The following NIPBL variants were observed in gnomAD, a reference collection of about 807,000 sequenced individuals.
NIPBL encodes the protein nipped-B-like protein.
A neutral mutation model predicts 321.8 loss-of-function variants in NIPBL; 19 were observed. The ratio of observed to expected loss-of-function variants is 0.06; its 90% CI spans 0.04 to 0.09. NIPBL has a LOEUF of 0.09. Among genes scored for constraint, NIPBL ranks in the 10% least tolerant of loss-of-function variants. The pLI is 1.00. For missense variants in NIPBL, 2,210 were observed against 3,327.0 expected (o/e 0.66, Z 8.26); for synonymous variants, 1,106 against 1,114.1 (o/e 0.99, Z 0.14).
intron 42 of NIPBL, among the ~76,000 whole-genome samples, 194 bp from the exon 43 acceptor site, chr5:37,056,992 C>T (rs955841760): frequency 1.3e-5 from 2 of 150,892 alleles, no homozygotes; most frequent in Admixed American, 6.6e-5. Context: ...CCCTTTTTCC[C>T]CCCTCTATAT....
intron 31 of NIPBL, 40 bp downstream of exon 31, chr5:37,026,367 C>T: frequency 8.4e-7 from 1 of 1,187,168 alleles, no homozygotes; most frequent in Non-Finnish European, 1.3e-6. Context: ...ACTGTTGATC[C>T]AGACCTAATT....
intron 10 of NIPBL, among the ~76,000 whole-genome samples, chr5:36,990,496 A>G (rs1286115571): frequency 6.6e-6 from 1 of 152,222 alleles, no homozygotes; most frequent in African/African-American, 2.4e-5. Context: ...TTAATGATGC[A>G]GTGGAAATTT....
chr5:37,015,602 C>T (rs913062525), intron 22 of NIPBL, among the ~76,000 whole-genome samples: 17 of 152,160 alleles, frequency 1.1e-4, no homozygotes, highest in Admixed American at 2.0e-4. Context: ...TGGTGGTGCA[C>T]GCCTGTAGTC....
chr5:36,943,279 T>C (rs1466420646), intron 1 of NIPBL, among the ~76,000 whole-genome samples: 1 of 152,150 alleles, frequency 6.6e-6, no homozygotes, highest in Non-Finnish European at 1.5e-5. Flanking sequence ...CAAAAATTTG[T>C]CAATTATAAT....
At chr5:36,893,522 G>A (rs1032102713) in intron 1 of NIPBL, among the ~76,000 whole-genome samples, 2 of 151,424 alleles carry the variant, frequency 1.3e-5, no homozygotes, top group Non-Finnish European at 2.9e-5. Flanking sequence ...TCCTTTTTTG[G>A]AGATGTAAGT....
chr5:36,919,688 T>A (rs1748768096), intron 1 of NIPBL, among the ~76,000 whole-genome samples: 1 of 152,192 alleles, frequency 6.6e-6, no homozygotes, highest in Non-Finnish European at 1.5e-5. Context: ...GAAGATATTT[T>A]CATTTAAAAG....
intron 8 of NIPBL, among the ~76,000 whole-genome samples, chr5:36,974,135 A>G (rs560270974): frequency 1.8e-4 from 27 of 152,214 alleles, no homozygotes; most frequent in Non-Finnish European, 3.5e-4. Context: ...CCGGGGAAAG[A>G]GAACAGGGAG....
At chr5:36,895,081 C>T (rs1169684963) in intron 1 of NIPBL, among the ~76,000 whole-genome samples, 1 of 152,138 alleles carries the variant, frequency 6.6e-6, no homozygotes, top group South Asian at 2.1e-4. Flanking sequence ...GTTATGCATT[C>T]ATCATTACTT....
At chr5:36,945,938 AG>A in intron 1 of NIPBL, among the ~76,000 whole-genome samples, 1 of 152,306 alleles carries the variant, frequency 6.6e-6, no homozygotes, top group Middle Eastern at 3.4e-3. Flanking sequence ...AATAGTAAGT[AG>A]TACCACATAG....
intron 4 of NIPBL, among the ~76,000 whole-genome samples, chr5:36,958,809 T>C (rs1007563034): frequency 2.6e-5 from 4 of 152,186 alleles, no homozygotes; most frequent in Non-Finnish European, 5.9e-5. Context: ...GCTTACTGAA[T>C]TTGACAAGCC....
intron 2 of NIPBL, chr5:36,954,890 A>G (rs1031526648): frequency 1.3e-5 from 2 of 153,330 alleles, no homozygotes; most frequent in African/African-American, 2.4e-5. Context: ...ACTATAAAAC[A>G]TTTATGTTCT....
intron 1 of NIPBL, chr5:36,886,491 A>C (rs779359775): frequency 4.0e-6 from 3 of 758,734 alleles, no homozygotes; most frequent in Non-Finnish European, 7.1e-6. Flanking sequence ...AAGTTCTGAG[A>C]CATTAAGTCA....
At chr5:36,982,273 A>G (rs1025312758) in intron 9 of NIPBL, 26 of 929,056 alleles carry the variant, frequency 2.8e-5, no homozygotes, top group Non-Finnish European at 3.3e-5. Context: ...ATGGCTTTCC[A>G]TGATTATTAG....
intron 32 of NIPBL, among the ~76,000 whole-genome samples, chr5:37,033,848 A>C (rs1751400835): frequency 6.7e-6 from 1 of 149,818 alleles, no homozygotes; most frequent in African/African-American, 2.5e-5. Flanking sequence ...GACTACAAGC[A>C]TGCACCACCA....
At chr5:36,927,630 A>G (rs1160551502) in intron 1 of NIPBL, among the ~76,000 whole-genome samples, 1 of 152,182 alleles carries the variant, frequency 6.6e-6, no homozygotes, top group Non-Finnish European at 1.5e-5. Context: ...GAACTGGACA[A>G]ATGAGTTGTC....
chr5:36,960,650 A>C (rs1446616541), intron 4 of NIPBL, among the ~76,000 whole-genome samples: 1 of 152,230 alleles, frequency 6.6e-6, no homozygotes, highest in African/African-American at 2.4e-5. Context: ...CAGGAAATGA[A>C]ATTTGGAAAT....
chr5:37,039,185 C>T (rs1281078596), intron 34 of NIPBL, among the ~76,000 whole-genome samples: 1 of 151,942 alleles, frequency 6.6e-6, no homozygotes, highest in Non-Finnish European at 1.5e-5. Flanking sequence ...CAACCTCGGT[C>T]ATTCTCCAAA....
intron 4 of NIPBL, among the ~76,000 whole-genome samples, chr5:36,959,438 C>T (rs1447448850): frequency 1.3e-5 from 2 of 152,114 alleles, no homozygotes; most frequent in Non-Finnish European, 2.9e-5. Context: ...TGCCTTTTAG[C>T]AAGTTGAAGG....
rs574487600 is a variant in NIPBL at position 36,972,229 on chromosome 5, A to T, written c.868+188A>T. ...TCTGTCCCTATTCATTGATTCATTTATCTTCCACTTACCCAGTAATCTGTT... is the reference window on the plus strand; with the variant it reads ...TCTGTCCCTATTCATTGATTCATTTTTCTTCCACTTACCCAGTAATCTGTT... On this transcript the variant is annotated intron_variant, in intron 8 of 46. Coordinates refer to ENST00000282516, the MANE Select transcript of NIPBL (RefSeq NM_133433.4). Among the ~76,000 whole-genome samples, 5 of 152,168 alleles carry T rather than the reference A, an allele frequency of 3.3e-5. No individual in the cohort carries two copies. In the South Asian group the frequency reaches 6.2e-4, roughly 19 times the overall value.
Sources: allele counts gnomAD v4.1 joint callset (sites outside exome capture counted in the v4.1 genomes callset), GRCh38; gene constraint gnomAD v4.1.1; transcripts MANE v1.5; gene names NCBI Gene and HGNC (gene_info 2026-07-23, HGNC 2026-07-21).